The following C14orf39 variants were observed in gnomAD, a reference collection of about 807,000 sequenced individuals.
The protein encoded by C14orf39 is chromosome 14 open reading frame 39.
C14orf39 carries 66 observed loss-of-function variants against 85.6 expected under a neutral mutation model. The ratio of observed to expected loss-of-function variants is 0.77; its 90% confidence interval spans 0.63 to 0.95. C14orf39 has a LOEUF of 0.95. Among genes scored for constraint, C14orf39 ranks in the 40% least tolerant of loss-of-function variants. The pLI, the probability that C14orf39 is intolerant of heterozygous loss-of-function variation, is 0.00. For missense variants in C14orf39, 735 were observed against 663.9 expected (o/e 1.11, Z -1.18); for synonymous variants, 242 against 214.0 (o/e 1.13, Z -1.14).
At chr14:60,488,986 A>T (rs1358919657), upstream of C14orf39, among the ~76,000 whole-genome samples, 1 of 151,690 alleles carries the variant, frequency 6.6e-6, no homozygotes, top group Non-Finnish European at 1.5e-5. Context: ...ATCACCATGG[A>T]CTCTAACCAA....
At position 60,483,768 on chromosome 14, in the gene C14orf39, G is replaced by A. The variant is rs770057740; in HGVS notation, c.156C>T (p.His52=). The change falls in exon 4 of 18, where the codon CAC becomes CAT. Residue 52 remains histidine, a synonymous_variant. Transcript: ENST00000321731. The part of the protein sequence containing the change: ...KENKVTICRI[H]ETINATDEEI... ...CCTCATCTGTTGCATTTATAGTTTCGTGTATCCTACAAATAGTTACTTTGT... is the reference window on the plus strand; with the variant it reads ...CCTCATCTGTTGCATTTATAGTTTCATGTATCCTACAAATAGTTACTTTGT... The A allele has an allele frequency of 6.4e-6, 10 of 1,564,158 alleles. No individual in the cohort carries two copies. The highest frequency in any genetic ancestry group is 4.1e-5 in the African/African-American group (3 of 73,590).
intron 1 of C14orf39, among the ~76,000 whole-genome samples, chr14:60,503,813 T>G (rs2224410): frequency 6.6e-6 from 1 of 152,100 alleles, no homozygotes; most frequent in South Asian, 2.1e-4. Flanking sequence ...CAGATTTTAT[T>G]AACATGGCCT....
upstream of C14orf39, among the ~76,000 whole-genome samples, chr14:60,490,965 A>G (rs1892981382): frequency 6.6e-6 from 1 of 152,216 alleles, no homozygotes; most frequent in African/African-American, 2.4e-5. Context: ...CCTATGACAC[A>G]TAAATCTCTT....
intron 1 of C14orf39, among the ~76,000 whole-genome samples, chr14:60,500,931 C>T (rs1893136662): frequency 6.6e-6 from 1 of 151,826 alleles, no homozygotes; most frequent in Admixed American, 6.6e-5. Flanking sequence ...GAGGACAATA[C>T]ATGAGAAAAG....
rs1891970111 is a variant in C14orf39 at position 60,469,595 on chromosome 14, T to C, written c.613A>G (p.Ser205Gly). Residue 205 changes from serine (S) to glycine (G), a missense_variant, in exon 8 of 18, where the codon AGT (serine) becomes GGT (glycine). Coordinates refer to ENST00000321731, the MANE Select transcript of C14orf39 (RefSeq NM_174978.3). The part of the protein sequence containing the change: ...ILKHASNLTK[S>G]SSELKKEVDE... ...ACTTCTTTCTTCAATTCGGATGAAC[T>C]TTTGGTAAGATTGCTGGCATGTTTA... is the stretch of plus-strand genomic sequence containing the variant. 3.9e-6 allele frequency: 6 copies of C among 1,523,544 alleles called. No homozygotes were observed. The East Asian group carries it at 1.4e-4, about 36-fold the overall frequency. 94.4% of individuals were successfully genotyped at this position (1,523,544 alleles called of 1,614,324 possible). A position where few individuals can be genotyped will look rare whatever the true frequency, so the allele number is the denominator to read the frequency against.
At chr14:60,468,603 T>A in intron 8 of C14orf39, 67 bp from the exon 9 acceptor site, 2 of 847,414 alleles carry the variant, frequency 2.4e-6, no homozygotes, top group Non-Finnish European at 3.6e-6. Context: ...AGATATGCTT[T>A]ATCTTATGTT....
intron 17 of C14orf39, among the ~76,000 whole-genome samples, chr14:60,441,659 C>A (rs376994461): frequency 1.3e-5 from 2 of 151,592 alleles, no homozygotes; most frequent in African/African-American, 4.9e-5. Context: ...ATATAATACA[C>A]GTACATATTT....
chr14:60,488,252 A>T (rs141374778), upstream of C14orf39, among the ~76,000 whole-genome samples: 1 of 152,282 alleles, frequency 6.6e-6, no homozygotes, highest in Non-Finnish European at 1.5e-5. Flanking sequence ...TTTGCATTTA[A>T]ATTCACATCT....
At chr14:60,481,960 G>T (rs140005975) in intron 4 of C14orf39, among the ~76,000 whole-genome samples, 111 of 152,078 alleles carry the variant, frequency 7.3e-4, no homozygotes, top group African/African-American at 2.2e-3. Flanking sequence ...CATTTCCTAT[G>T]TGGTTTCTGA....
chr14:60,476,269 T>C (rs1466111932), intron 5 of C14orf39, among the ~76,000 whole-genome samples: 4 of 152,184 alleles, frequency 2.6e-5, no homozygotes, highest in Non-Finnish European at 5.9e-5. Context: ...ATCCACCCTA[T>C]TCATACTGTA....
At chr14:60,479,664 A>T (rs1398932649) in intron 4 of C14orf39, among the ~76,000 whole-genome samples, 1 of 69,034 alleles carries the variant, frequency 1.4e-5, no homozygotes, top group Non-Finnish European at 3.7e-5. Context: ...TACAATTACT[A>T]AATTAGCTTA....
chr14:60,470,791 G>A (rs1278081592), intron 7 of C14orf39, among the ~76,000 whole-genome samples: 1 of 151,946 alleles, frequency 6.6e-6, no homozygotes, highest in Non-Finnish European at 1.5e-5. Context: ...AGTACAAACA[G>A]TGGAGTTATA....
At chr14:60,472,913 T>C (rs956653578) in intron 5 of C14orf39, among the ~76,000 whole-genome samples, 4 of 152,220 alleles carry the variant, frequency 2.6e-5, no homozygotes, top group Non-Finnish European at 4.4e-5. Context: ...CCTTTGGGTA[T>C]ATACCCAGTA....
rs373231329 is a variant in C14orf39 at position 60,500,048 on chromosome 14, AT to A, written c.-143-619del. On this transcript the variant is annotated intron_variant, in intron 1 of 5. Transcript: ENST00000556799. Reference sequence around the variant, plus strand: ...CTTTTTTATTTTTTATTTTTTTGAGATTGAGTTTCGCTCTTGTTGCCCAGGC... The same window carrying A: ...CTTTTTTATTTTTTATTTTTTTGAGATGAGTTTCGCTCTTGTTGCCCAGGC... 9.7e-4 allele frequency among the ~76,000 whole-genome samples: 147 copies of A among 152,048 alleles called. 1 individual carries two copies. Among genetic ancestry groups the A allele is most frequent in the African/African-American group, 3.4e-3 (139 of 41,448 alleles).
intron 14 of C14orf39, 57 bp from the exon 15 acceptor site, chr14:60,457,152 A>G: frequency 8.7e-7 from 1 of 1,143,352 alleles, no homozygotes; most frequent in Non-Finnish European, 1.2e-6. Flanking sequence ...TTAATGACAT[A>G]CATAAAAATG....
intron 13 of C14orf39, 24 bp from the exon 14 acceptor site, chr14:60,458,763 ATTT>A: frequency 6.5e-7 from 1 of 1,546,032 alleles, no homozygotes; most frequent in African/African-American, 1.4e-5. Flanking sequence ...AGAACAAACT[ATTT>A]TTCTTTTTGT....
chr14:60,471,294 A>T, intron 7 of C14orf39, 123 bp downstream of exon 7: 1 of 861,206 alleles, frequency 1.2e-6, no homozygotes, highest in Middle Eastern at 3.6e-4. Flanking sequence ...ATTACTTTTT[A>T]AATATTTTAA....
At chr14:60,467,138 C>A in intron 9 of C14orf39, 94 bp from the exon 10 acceptor site, 1 of 541,524 alleles carries the variant, frequency 1.8e-6, no homozygotes, top group East Asian at 4.0e-5. Flanking sequence ...TATAATAAAA[C>A]CCCTCGTTTT....
At chr14:60,478,178 CAAAA>C in intron 5 of C14orf39, 118 bp downstream of exon 5, 1 of 85,038 alleles carries the variant, frequency 1.2e-5, no homozygotes, top group East Asian at 2.8e-4. Context: ...GACTCCATCT[CAAAA>C]AAAAAAAAAG....
Sources: gnomAD v4.1 joint callset for allele counts (sites outside exome capture counted in the v4.1 genomes callset) on GRCh38, gnomAD v4.1.1 for gene constraint, MANE v1.5 for transcripts, NCBI Gene and HGNC (gene_info 2026-07-23, HGNC 2026-07-21) for gene names.